The following TNIK variants were observed in gnomAD, a reference collection of about 807,000 sequenced individuals.
The protein encoded by TNIK is TRAF2 and NCK-interacting protein kinase.
In TNIK, 49 loss-of-function variants were observed where a neutral mutation model predicts 191.3. The observed-to-expected ratio is 0.26, with a 90% CI of 0.20 to 0.32. TNIK has a LOEUF of 0.32. TNIK is among the 10% of genes least tolerant of loss of function. TNIK has a pLI of 1.00. For synonymous variants in TNIK, 594 were observed against 600.9 expected (o/e 0.99, Z 0.17); for missense variants, 1,155 against 1,702.3 (o/e 0.68, Z 5.66).
intron 1 of TNIK, among the ~76,000 whole-genome samples, chr3:171,438,339 G>A (rs1021258746): frequency 6.6e-6 from 1 of 152,158 alleles, no homozygotes; most frequent in Non-Finnish European, 1.5e-5. Context: ...GTTAAGGTTT[G>A]GTTTCCCAGA....
intron 1 of TNIK, among the ~76,000 whole-genome samples, chr3:171,417,343 A>G (rs1310207934): frequency 1.3e-5 from 2 of 152,154 alleles, no homozygotes; most frequent in African/African-American, 4.8e-5. Flanking sequence ...ACTCTTATCT[A>G]TCTCTGCTAA....
chr3:171,258,235 T>C (rs764481142), intron 2 of TNIK, among the ~76,000 whole-genome samples: 4 of 152,212 alleles, frequency 2.6e-5, no homozygotes, highest in Non-Finnish European at 5.9e-5. Flanking sequence ...AAAACCTTTA[T>C]GATTAATATT....
At chr3:171,228,788 T>C (rs1217607381) in intron 2 of TNIK, among the ~76,000 whole-genome samples, 1 of 152,210 alleles carries the variant, frequency 6.6e-6, no homozygotes, top group South Asian at 2.1e-4. Flanking sequence ...CAAGGTGGGC[T>C]CTTTTGGTCT....
At chr3:171,208,038 G>C (rs921953375) in intron 4 of TNIK, among the ~76,000 whole-genome samples, 2 of 152,174 alleles carry the variant, frequency 1.3e-5, no homozygotes, top group African/African-American at 4.8e-5. Flanking sequence ...CTGAACTTAA[G>C]AGAAATTTCA....
chr3:171,455,047 C>A (rs1216879682), intron 1 of TNIK, among the ~76,000 whole-genome samples: 1 of 152,086 alleles, frequency 6.6e-6, no homozygotes, highest in Non-Finnish European at 1.5e-5. Flanking sequence ...ATGTTAATCT[C>A]CAAAAAACTT....
chr3:171,390,347 A>C (rs9290410), intron 1 of TNIK, among the ~76,000 whole-genome samples: 117 of 152,326 alleles, frequency 7.7e-4, no homozygotes, highest in African/African-American at 2.7e-3. Context: ...TGAATGCAGC[A>C]CAAGTAGGAC....
chr3:171,333,518 G>A (rs1057483395), intron 2 of TNIK, among the ~76,000 whole-genome samples: 13 of 149,064 alleles, frequency 8.7e-5, no homozygotes, highest in South Asian at 2.2e-4. Context: ...AGGTTGCAGC[G>A]AGCCAAGATC....
At chr3:171,239,445 C>T (rs1744688526) in intron 2 of TNIK, among the ~76,000 whole-genome samples, 1 of 152,170 alleles carries the variant, frequency 6.6e-6, no homozygotes, top group Admixed American at 6.5e-5. Flanking sequence ...ATATCACTGA[C>T]ACCATTCACC....
intron 2 of TNIK, among the ~76,000 whole-genome samples, chr3:171,339,124 T>G (rs1479190756): frequency 3.3e-5 from 5 of 152,218 alleles, no homozygotes; most frequent in Non-Finnish European, 7.3e-5. Context: ...GTTTTCTCCA[T>G]TTCACTCATT....
chr3:171,290,985 T>A (rs1751619073), intron 2 of TNIK, among the ~76,000 whole-genome samples: 1 of 152,206 alleles, frequency 6.6e-6, no homozygotes, highest in Non-Finnish European at 1.5e-5. Flanking sequence ...TTTTTTAGAA[T>A]TCCATTTCAA....
At chr3:171,142,135 A>G (rs184287315) in intron 12 of TNIK, among the ~76,000 whole-genome samples, 51 of 152,292 alleles carry the variant, frequency 3.3e-4, no homozygotes, top group African/African-American at 1.1e-3. Context: ...AGTTTCTGTC[A>G]CTTCCAGATC....
At chr3:171,332,196 A>C (rs1357464303) in intron 2 of TNIK, among the ~76,000 whole-genome samples, 3 of 152,224 alleles carry the variant, frequency 2.0e-5, no homozygotes, top group Admixed American at 2.0e-4. Context: ...TTCCCCTACC[A>C]TTAAAAATTC....
chr3:171,101,227 GGTAAA>G (rs528017430), intron 22 of TNIK, among the ~76,000 whole-genome samples: 49 of 152,184 alleles, frequency 3.2e-4, no homozygotes, highest in African/African-American at 1.2e-3. Flanking sequence ...GCAATGGATA[GGTAAA>G]GTGTATGCAG....
rs1717541384 is a variant in TNIK at position 171,058,528 on chromosome 3, A to G, written c.*5353T>C. 6.6e-6 allele frequency among the ~76,000 whole-genome samples: 1 copy of G among 152,212 alleles called. No homozygotes were observed. Among genetic ancestry groups the G allele is most frequent in the Admixed American group, 6.5e-5 (1 of 15,284 alleles). Reference sequence around the variant, plus strand: ...AGCATTTTTAATGACTGCTTAGAATAACTGTAGAAAGTACTTTCTCAATGA... The same window carrying G: ...AGCATTTTTAATGACTGCTTAGAATGACTGTAGAAAGTACTTTCTCAATGA... On this transcript the variant is annotated 3_prime_UTR_variant, in exon 33 of 33. Coordinates refer to ENST00000436636, the MANE Select transcript of TNIK (RefSeq NM_015028.4).
chr3:171,458,614 G>A (rs910132387), intron 1 of TNIK, among the ~76,000 whole-genome samples: 15 of 152,170 alleles, frequency 9.9e-5, no homozygotes, highest in African/African-American at 3.6e-4. Flanking sequence ...GATCACAAAG[G>A]TAGCACTTTA....
At chr3:171,095,529 TTTTTC>T (rs1256334675) in intron 22 of TNIK, among the ~76,000 whole-genome samples, 1 of 152,242 alleles carries the variant, frequency 6.6e-6, no homozygotes, top group African/African-American at 2.4e-5. Context: ...TTTAATCATT[TTTTTC>T]TTTTATTTTC....
At chr3:171,089,985 G>A (rs532580829) in intron 23 of TNIK, among the ~76,000 whole-genome samples, 9 of 152,304 alleles carry the variant, frequency 5.9e-5, no homozygotes, top group Non-Finnish European at 1.2e-4. Flanking sequence ...ACAGCTGATT[G>A]AATCAGGGGT....
At chr3:171,431,620 A>T (rs1725403618) in intron 1 of TNIK, among the ~76,000 whole-genome samples, 1 of 152,162 alleles carries the variant, frequency 6.6e-6, no homozygotes, top group Admixed American at 6.5e-5. Context: ...ACAGTAACTT[A>T]CTTCTCCACT....
At chr3:171,203,461 A>G (rs113037627) in intron 4 of TNIK, among the ~76,000 whole-genome samples, 8 of 152,334 alleles carry the variant, frequency 5.3e-5, no homozygotes, top group African/African-American at 1.9e-4. Flanking sequence ...TGTGCCCTCT[A>G]AACAGCTGGT....
Sources: allele counts gnomAD v4.1 joint callset (sites outside exome capture counted in the v4.1 genomes callset), GRCh38; gene constraint gnomAD v4.1.1; transcripts MANE v1.5; gene names NCBI Gene and HGNC (gene_info 2026-07-23, HGNC 2026-07-21).